Variants in ABITRAM observed in about 807,000 individuals in gnomAD.
ABITRAM encodes protein Abitram.
In ABITRAM, 19 loss-of-function variants were observed where a neutral mutation model predicts 22.9. The ratio of observed to expected loss-of-function variants is 0.83; its 90% CI spans 0.58 to 1.22. ABITRAM has a LOEUF of 1.22. Among genes scored for constraint, ABITRAM ranks in the 50% most tolerant of loss-of-function variants. ABITRAM has a pLI of 0.00. For synonymous variants in ABITRAM, 70 were observed against 73.9 expected, an observed-to-expected ratio of 0.95 and a Z score of 0.27; for missense variants, 215 against 220.2, an observed-to-expected ratio of 0.98 and a Z score of 0.15.
rs766147383 is a variant in ABITRAM, at chr9:108,934,446, T to G, written c.-41T>G. The G allele has an allele frequency of 2.7e-5, 42 of 1,536,524 alleles. No homozygotes were observed. The South Asian group carries it at 4.5e-4, about 16-fold the overall frequency. ...AGTCCGGGCTGCGCGGAGGAAGCGC[T>G]GGGGTCCCGGAGGGCGGGGGTGGCG... On this transcript the variant is annotated 5_prime_UTR_variant, in exon 1 of 6. Transcript: ENST00000322940.
Position 108,950,593 on chromosome 9 carries a change from A to G in ABITRAM, c.348A>G (p.Ter116=), listed in dbSNP as rs185524005. 13 of 1,550,150 alleles carry G rather than the reference A, an allele frequency of 8.4e-6. No individual in the cohort carries two copies. The East Asian group carries it at 2.9e-4, about 35-fold the overall frequency. ...TGGGACTGCATCTTCCCCACTCTTA[A>G]TCCTCCTTCTATAGGAAGGAATCTT... is the stretch of plus-strand genomic sequence containing the variant. The change falls in exon 4 of 4, where the codon TAA becomes TAG. Residue 116 remains the stop codon, a stop_retained_variant. Coordinates refer to the ABITRAM transcript ENST00000374624.
intron 3 of ABITRAM, chr9:108,948,206 C>T: frequency 1.2e-6 from 2 of 1,611,926 alleles, no homozygotes; most frequent in Non-Finnish European, 1.7e-6. Context: ...TGAATTAAAT[C>T]CTGGGAAGTT....
At chr9:108,935,574 A>G in intron 1 of ABITRAM, 64 bp from the exon 2 acceptor site, 1 of 1,263,836 alleles carries the variant, frequency 7.9e-7, no homozygotes, top group Non-Finnish European at 1.2e-6. Flanking sequence ...TGACCCAAAG[A>G]AAGTACCACA....
Position 108,939,651 on chromosome 9 carries a change from G to T in ABITRAM, c.511G>T (p.Val171Leu). The T allele has an allele frequency of 6.2e-7, 1 of 1,614,068 alleles. No homozygotes were observed. Among genetic ancestry groups the T allele is most frequent in the Non-Finnish European group, 8.5e-7 (1 of 1,179,982 alleles). ...ACAAAAACAATATGAAGAAGTCATGGTGAAACGCATTAATGCCACAACAGC... is the reference window on the plus strand; with the variant it reads ...ACAAAAACAATATGAAGAAGTCATGTTGAAACGCATTAATGCCACAACAGC... ...LTQKQYEEVM[V>L]KRINATTATS Residue 171 changes from valine (V) to leucine (L), a missense_variant, in exon 6 of 6, where the codon GTG becomes TTG. Physicochemically the swap from Val to Leu is conservative, Grantham distance 32. Coordinates refer to ENST00000322940, the MANE Select transcript of ABITRAM (RefSeq NM_017832.4).
At chr9:108,937,805 T>C (rs1039494679) in intron 3 of ABITRAM, among the ~76,000 whole-genome samples, 1 of 149,888 alleles carries the variant, frequency 6.7e-6, no homozygotes, top group Non-Finnish European at 1.5e-5. Context: ...CTAGGCAACA[T>C]AACAAGACCT....
At chr9:108,942,764 G>T (rs1398731672), downstream of ABITRAM, 1 of 1,587,030 alleles carries the variant, frequency 6.3e-7, no homozygotes, top group Admixed American at 1.7e-5. Flanking sequence ...GACCCCAAAA[G>T]CTTCTCAAGT....
chr9:108,937,511 C>T (rs756882595), intron 3 of ABITRAM, among the ~76,000 whole-genome samples: 242 of 152,228 alleles, frequency 1.6e-3, no homozygotes, highest in Non-Finnish European at 2.9e-3. Flanking sequence ...TTATTCAAAC[C>T]CCCCTTTGTA....
chr9:108,940,051 T>A lies in ABITRAM; in HGVS notation c.*365T>A, dbSNP rs1830237734. Reference sequence around the variant, plus strand: ...AAATAATTTACCCATCATCCCATAATCCAGAAGTAAATACATTTGACCCTT... The same window carrying A: ...AAATAATTTACCCATCATCCCATAAACCAGAAGTAAATACATTTGACCCTT... On this transcript the variant is annotated 3_prime_UTR_variant, in exon 6 of 6. Coordinates refer to ENST00000322940, the MANE Select transcript of ABITRAM (RefSeq NM_017832.4). The A allele has an allele frequency of 5.3e-6, 1 of 187,894 alleles. No individual in the cohort carries two copies. The highest frequency in any genetic ancestry group is 2.3e-5 in the African/African-American group (1 of 42,554). 11.6% of individuals were successfully genotyped at this position (187,894 alleles called of 1,614,324 possible).
chr9:108,941,767 TAA>T (rs1372283115), downstream of ABITRAM, among the ~76,000 whole-genome samples: 1 of 152,162 alleles, frequency 6.6e-6, no homozygotes, highest in African/African-American at 2.4e-5. Flanking sequence ...GTCAAAGCAT[TAA>T]GATACAAATA....
downstream of ABITRAM, among the ~76,000 whole-genome samples, chr9:108,942,017 T>G (rs1248528533): frequency 6.6e-6 from 1 of 152,224 alleles, no homozygotes; most frequent in Non-Finnish European, 1.5e-5. Context: ...TTCCATTCCA[T>G]CAATCAATAC....
intron 3 of ABITRAM, among the ~76,000 whole-genome samples, chr9:108,937,439 G>A (rs561573974): frequency 1.3e-5 from 2 of 152,216 alleles, no homozygotes; most frequent in Admixed American, 6.5e-5. Context: ...GATTTAAGTC[G>A]TTCATTTACT....
chr9:108,949,614 C>A (rs939835013), intron 3 of ABITRAM, among the ~76,000 whole-genome samples: 34 of 151,996 alleles, frequency 2.2e-4, no homozygotes, highest in Admixed American at 2.2e-3. Context: ...GAGGCTGAGG[C>A]GGGCAGATCA....
intron 1 of ABITRAM, among the ~76,000 whole-genome samples, chr9:108,935,263 G>T (rs1482876986): frequency 1.3e-5 from 2 of 152,158 alleles, no homozygotes; most frequent in African/African-American, 4.8e-5. Flanking sequence ...TTCCCAGAAT[G>T]TCGGACTTGC....
intron 3 of ABITRAM, among the ~76,000 whole-genome samples, chr9:108,938,587 C>T (rs1416875837): frequency 6.7e-6 from 1 of 150,036 alleles, no homozygotes; most frequent in African/African-American, 2.5e-5. Flanking sequence ...TATTTTGCTG[C>T]TTAAAACTTT....
At position 108,936,501 on chromosome 9, in the gene ABITRAM, C is replaced by G. The variant is rs1830189129; in HGVS notation, c.261+64C>G. 3.5e-5 allele frequency: 54 copies of G among 1,542,100 alleles called. 1 individual carries two copies. The South Asian group carries it at 5.7e-4, about 16-fold the overall frequency. The stretch of plus-strand genomic sequence containing the variant: ...TCTATATTCATGGTAATGACAGATC[C>G]AATGAACCTTAGAATCCAGTAGCAT... On this transcript the variant is annotated intron_variant, in intron 3 of 5. Transcript: ENST00000322940.
chr9:108,944,589 G>A (rs1397160124), downstream of ABITRAM, among the ~76,000 whole-genome samples: 2 of 152,172 alleles, frequency 1.3e-5, no homozygotes, highest in African/African-American at 4.8e-5. Context: ...TGATGGAGAA[G>A]TAGAGTGAAA....
chr9:108,934,620 A>C, intron 1 of ABITRAM, 55 bp downstream of exon 1: 2 of 1,510,204 alleles, frequency 1.3e-6, no homozygotes, highest in Non-Finnish European at 1.8e-6. Flanking sequence ...AATGCTGTGT[A>C]GACTATGTTG....
At chr9:108,946,478 T>C (rs1338957285) in intron 3 of ABITRAM, among the ~76,000 whole-genome samples, 1 of 152,066 alleles carries the variant, frequency 6.6e-6, no homozygotes, top group Non-Finnish European at 1.5e-5. Flanking sequence ...TCTACCCACA[T>C]TTATCCATCC....
intron 3 of ABITRAM, among the ~76,000 whole-genome samples, chr9:108,949,636 G>C (rs1830501256): frequency 6.6e-6 from 1 of 152,172 alleles, no homozygotes; most frequent in Admixed American, 6.5e-5. Context: ...TTGAAGTCAG[G>C]AATTTGAGAC....
Sources: allele counts gnomAD v4.1 joint callset (sites outside exome capture counted in the v4.1 genomes callset), GRCh38; gene constraint gnomAD v4.1.1; transcripts MANE v1.5; gene names NCBI Gene and HGNC (gene_info 2026-07-23, HGNC 2026-07-21).